The following DCC variants were observed in gnomAD, a reference collection of about 807,000 sequenced individuals.
DCC encodes the protein DCC netrin 1 receptor.
Under a neutral mutation model 172.5 loss-of-function variants are expected in DCC, and 58 were observed. That is an observed-to-expected ratio of 0.34 (90% CI 0.27 to 0.42). The LOEUF (loss-of-function observed/expected upper bound fraction) is 0.42, where lower values mean the gene tolerates loss of function less well. Among genes scored for constraint, DCC ranks in the 10% least tolerant of loss-of-function variants. The pLI, the probability that DCC is intolerant of heterozygous loss-of-function variation, is 1.00. For synonymous variants in DCC, 709 were observed against 644.5 expected, an observed-to-expected ratio of 1.10 and a Z score of -1.52; for missense variants, 1,740 against 1,791.0, an observed-to-expected ratio of 0.97 and a Z score of 0.51.
intron 1 of DCC, among the ~76,000 whole-genome samples, chr18:52,429,523 G>T (rs530374837): frequency 6.6e-6 from 1 of 151,964 alleles, no homozygotes; most frequent in African/African-American, 2.4e-5. Flanking sequence ...CTGTGTGAAC[G>T]TTTTCTATGT....
Position 52,766,248 on chromosome 18 carries a change from C to T in DCC, c.412+13874C>T, listed in dbSNP as rs536778463. Among the ~76,000 whole-genome samples the T allele has an allele frequency of 3.3e-5, 5 of 152,328 alleles. No individual in the cohort carries two copies. In the East Asian group the frequency reaches 9.7e-4, roughly 29 times the overall value. ...CCAGCAGGAGCAAACTCTATGCAGG[C>T]CCCATGGCAGCATCCAGGTGGGGTG... is the stretch of plus-strand genomic sequence containing the variant. On this transcript the variant is annotated intron_variant, in intron 2 of 28. Transcript: ENST00000442544.
intron 5 of DCC, among the ~76,000 whole-genome samples, chr18:52,977,498 C>T (rs988768732): frequency 6.6e-6 from 1 of 152,022 alleles, no homozygotes; most frequent in African/African-American, 2.4e-5. Flanking sequence ...GTTTTCTGCC[C>T]AGATGTAAAA....
intron 3 of DCC, among the ~76,000 whole-genome samples, chr18:52,913,676 G>GT (rs997788432): frequency 1.3e-5 from 2 of 151,984 alleles, no homozygotes; most frequent in African/African-American, 2.4e-5. Context: ...GAGAGAACCT[G>GT]TTTTTTCCCA....
At chr18:53,477,711 C>A (rs2045782883) in intron 25 of DCC, among the ~76,000 whole-genome samples, 1 of 152,082 alleles carries the variant, frequency 6.6e-6, no homozygotes, top group African/African-American at 2.4e-5. Context: ...TATTTAATTT[C>A]ATGGGAAGGC....
chr18:52,923,600 T>C (rs1046581361), intron 3 of DCC, 107 bp from the exon 4 acceptor site: 22 of 878,794 alleles, frequency 2.5e-5, no homozygotes, highest in Admixed American at 7.5e-5. Flanking sequence ...TTCATTGGCA[T>C]CTTTTCATTT....
chr18:53,362,828 C>T (rs948194063), intron 15 of DCC, among the ~76,000 whole-genome samples: 7 of 152,030 alleles, frequency 4.6e-5, no homozygotes, highest in African/African-American at 9.7e-5. Context: ...TTATTACTTA[C>T]GCTGCTGTAT....
chr18:52,778,556 G>GTT (rs1485255243), intron 2 of DCC, among the ~76,000 whole-genome samples: 1 of 152,010 alleles, frequency 6.6e-6, no homozygotes, highest in Non-Finnish European at 1.5e-5. Flanking sequence ...CCATCAAATT[G>GTT]TTGTTAAAGT....
intron 1 of DCC, among the ~76,000 whole-genome samples, chr18:52,355,644 G>T (rs888547481): frequency 8.3e-4 from 126 of 152,194 alleles, no homozygotes; most frequent in African/African-American, 2.9e-3. Context: ...AGCGCCTGTG[G>T]TGTATTTAAA....
chr18:52,948,066 AATAAT>A (rs764852210), intron 5 of DCC, among the ~76,000 whole-genome samples: 1 of 152,212 alleles, frequency 6.6e-6, no homozygotes, highest in Non-Finnish European at 1.5e-5. Context: ...AGCTAAATAA[AATAAT>A]AGCAGTATGA....
intron 1 of DCC, among the ~76,000 whole-genome samples, chr18:52,564,670 G>C (rs1008484790): frequency 5.9e-5 from 7 of 118,684 alleles, no homozygotes; most frequent in African/African-American, 1.7e-4. Context: ...ATAATATTGG[G>C]GGGGGGGGTG....
In DCC at chr18:53,157,576, T is replaced by C. The variant is rs926702194; in HGVS notation, c.1418+64T>C. On this transcript the variant is annotated intron_variant, in intron 8 of 28. Coordinates refer to ENST00000442544, the MANE Select transcript of DCC (RefSeq NM_005215.4). Reference sequence around the variant, plus strand: ...ATCTCTTTAAGTCAATACGGTTGGGTAATGGCAGGAGGAGATCTTGGGCAG... The same window carrying C: ...ATCTCTTTAAGTCAATACGGTTGGGCAATGGCAGGAGGAGATCTTGGGCAG... 4 of 1,555,016 alleles carry C rather than the reference T, an allele frequency of 2.6e-6. No homozygotes were observed. In the African/African-American group the frequency reaches 5.4e-5, roughly 21 times the overall value.
intron 7 of DCC, among the ~76,000 whole-genome samples, chr18:53,114,691 T>C (rs532808365): frequency 2.5e-4 from 38 of 151,668 alleles, no homozygotes; most frequent in African/African-American, 8.4e-4. Flanking sequence ...ATCAGCCACG[T>C]TGGACTGAAT....
intron 1 of DCC, 44 bp from the exon 2 acceptor site, chr18:52,752,010 T>C: frequency 6.5e-7 from 1 of 1,531,750 alleles, no homozygotes; most frequent in South Asian, 1.1e-5. Flanking sequence ...GCCTGAGATT[T>C]ATTTGAATAC....
chr18:53,348,241 A>G (rs1329071847), intron 15 of DCC, among the ~76,000 whole-genome samples: 2 of 152,270 alleles, frequency 1.3e-5, no homozygotes, highest in African/African-American at 4.8e-5. Context: ...AATGGGAGAA[A>G]TTGGCCAAAA....
At chr18:52,460,813 A>C (rs1009162823) in intron 1 of DCC, among the ~76,000 whole-genome samples, 2 of 152,210 alleles carry the variant, frequency 1.3e-5, no homozygotes, top group African/African-American at 2.4e-5. Flanking sequence ...CTACATAGGG[A>C]ATTTACCATG....
intron 2 of DCC, among the ~76,000 whole-genome samples, chr18:52,808,820 ATATTCTT>A (rs1297303430): frequency 1.3e-5 from 2 of 152,170 alleles, no homozygotes; most frequent in Non-Finnish European, 2.9e-5. Flanking sequence ...TCAGTTTTCT[ATATTCTT>A]ACTTTCCTCT....
chr18:53,278,860 A>T (rs2056835711), intron 12 of DCC, among the ~76,000 whole-genome samples: 1 of 152,174 alleles, frequency 6.6e-6, no homozygotes, highest in Admixed American at 6.5e-5. Flanking sequence ...GGTAAATGGC[A>T]TGCACCAAAG....
chr18:53,356,862 G>T (rs72927242), intron 15 of DCC, among the ~76,000 whole-genome samples: 24,725 of 152,056 alleles, frequency 0.16, 2,504 homozygotes, highest in African/African-American at 0.27. Flanking sequence ...AAACTGCTAG[G>T]CTGGGCTCCT....
At chr18:53,116,054 G>A (rs189797573) in intron 7 of DCC, among the ~76,000 whole-genome samples, 21 of 151,684 alleles carry the variant, frequency 1.4e-4, no homozygotes, top group African/African-American at 4.3e-4. Context: ...TTGAACGATC[G>A]TGACACACAA....
Sources: allele counts gnomAD v4.1 joint callset (sites outside exome capture counted in the v4.1 genomes callset), GRCh38; gene constraint gnomAD v4.1.1; transcripts MANE v1.5; gene names NCBI Gene and HGNC (gene_info 2026-07-23, HGNC 2026-07-21).